ABL2: variants seen among roughly 807,000 people sequenced by gnomAD.
ABL2 encodes ABL proto-oncogene 2, non-receptor tyrosine kinase, also known as tyrosine-protein kinase ABL2.
In ABL2, 49 loss-of-function variants were observed where a neutral mutation model predicts 107.7. That is an observed-to-expected ratio of 0.45 (90% confidence interval 0.36 to 0.58). ABL2 has a LOEUF of 0.58. Ranked by LOEUF, ABL2 falls within the 20% of genes least tolerant of loss-of-function variation. ABL2 has a pLI of 0.00. For synonymous variants in ABL2, 549 were observed against 548.6 expected (o/e 1.00, Z -0.01); for missense variants, 1,245 against 1,457.0 (o/e 0.85, Z 2.37).
At chr1:179,170,708 C>T (rs1557972042) in intron 1 of ABL2, among the ~76,000 whole-genome samples, 1 of 152,238 alleles carries the variant, frequency 6.6e-6, no homozygotes, top group Non-Finnish European at 1.5e-5. Flanking sequence ...AATTCTCCTG[C>T]TTCAGCCTCC....
At chr1:179,153,339 T>C (rs776817860) in intron 1 of ABL2, among the ~76,000 whole-genome samples, 3 of 152,050 alleles carry the variant, frequency 2.0e-5, no homozygotes, top group Non-Finnish European at 4.4e-5. Flanking sequence ...AACCATATAC[T>C]AGATGGCTTA....
intron 1 of ABL2, among the ~76,000 whole-genome samples, chr1:179,178,789 C>T (rs1217518511): frequency 2.6e-5 from 4 of 151,806 alleles, no homozygotes; most frequent in African/African-American, 9.7e-5. Flanking sequence ...CCCAGCTACT[C>T]GGGAGGCTGA....
At chr1:179,150,122 C>T (rs1394472915) in intron 1 of ABL2, among the ~76,000 whole-genome samples, 1 of 151,922 alleles carries the variant, frequency 6.6e-6, no homozygotes, top group Non-Finnish European at 1.5e-5. Context: ...CACCTGTAGT[C>T]CCAACTATTA....
chr1:179,147,579 C>A (rs772893200), intron 1 of ABL2, among the ~76,000 whole-genome samples: 1 of 152,202 alleles, frequency 6.6e-6, no homozygotes, highest in Non-Finnish European at 1.5e-5. Flanking sequence ...ATGGTTGGAA[C>A]TGGAGGTCGT....
Position 179,106,717 on chromosome 1 carries a change from T to C in ABL2, c.*1001A>G. 4.3e-6 allele frequency: 1 copy of C among 232,220 alleles called. No homozygotes were observed. The highest frequency in any genetic ancestry group is 8.5e-6 in the Non-Finnish European group (1 of 117,416). The allele number at this position is 232,220 out of a possible 1,614,324, so 14.4% of individuals were successfully genotyped here. On this transcript the variant is annotated 3_prime_UTR_variant, in exon 12 of 12. Coordinates refer to ENST00000502732, the MANE Select transcript of ABL2 (RefSeq NM_007314.4). ...TTTCAAGAAAAGACCATCTCCCTGGTATTTTAGTTGATAAAGAAAAATACA... is the reference window on the plus strand; with the variant it reads ...TTTCAAGAAAAGACCATCTCCCTGGCATTTTAGTTGATAAAGAAAAATACA...
intron 9 of ABL2, among the ~76,000 whole-genome samples, 160 bp downstream of exon 9, chr1:179,114,718 G>GTATATGATA (rs1285119488): frequency 6.6e-6 from 1 of 152,086 alleles, no homozygotes; most frequent in Non-Finnish European, 1.5e-5. Context: ...AGATTCAATG[G>GTATATGATA]TATATGATAT....
chr1:179,216,169 G>A (rs894089687), intron 1 of ABL2, among the ~76,000 whole-genome samples: 27 of 152,238 alleles, frequency 1.8e-4, no homozygotes, highest in Middle Eastern at 3.4e-3. Flanking sequence ...GTTCTACCAC[G>A]GCAGAATCAG....
chr1:179,226,043 C>CA (rs1194438803), intron 1 of ABL2, among the ~76,000 whole-genome samples: 1,306 of 45,650 alleles, frequency 0.029, 196 homozygotes, highest in African/African-American at 0.044. Context: ...GACTCCGCCT[C>CA]AAAAAAAAAA....
chr1:179,212,907 G>A (rs1475242812), intron 1 of ABL2, among the ~76,000 whole-genome samples: 41 of 149,132 alleles, frequency 2.7e-4, no homozygotes, highest in Non-Finnish European at 4.3e-4. Context: ...TTAGCCAGGC[G>A]TGGTGGCACA....
intron 4 of ABL2, among the ~76,000 whole-genome samples, chr1:179,122,899 A>C (rs1025291698): frequency 1.3e-5 from 2 of 152,092 alleles, no homozygotes; most frequent in Non-Finnish European, 2.9e-5. Context: ...ACCTCAAGTG[A>C]TCTGCCTGCC....
intron 1 of ABL2, among the ~76,000 whole-genome samples, chr1:179,181,941 C>T (rs968141381): frequency 3.6e-5 from 5 of 137,822 alleles, no homozygotes; most frequent in East Asian, 2.2e-4. Context: ...TCACCAGGCC[C>T]GGCTATTTTT....
rs28914481 is a variant in ABL2, at chr1:179,183,357, T to TAAC, written c.157+45881_157+45883dup. Among the ~76,000 whole-genome samples, 64 of 152,196 alleles carry TAAC rather than the reference T, an allele frequency of 4.2e-4. No individual in the cohort carries two copies. In the East Asian group the frequency reaches 5.0e-3, roughly 12 times the overall value. On this transcript the variant is annotated intron_variant, in intron 1 of 11. Coordinates refer to ENST00000502732, the MANE Select transcript of ABL2 (RefSeq NM_007314.4). ...ACTGTACTTGTACCACTTAAATTTA[T>TAAC]AACAACAACAACAACAACAAAAACA...
At chr1:179,225,942 G>A (rs1347797765) in intron 1 of ABL2, among the ~76,000 whole-genome samples, 2 of 150,902 alleles carry the variant, frequency 1.3e-5, no homozygotes, top group African/African-American at 4.9e-5. Context: ...TGCTCGGGAG[G>A]CTGAGGCAGG....
chr1:179,141,737 T>A (rs1657612234), intron 1 of ABL2, among the ~76,000 whole-genome samples: 1 of 152,222 alleles, frequency 6.6e-6, no homozygotes. Flanking sequence ...TCAAAGAACT[T>A]AGGGTCAATT....
At chr1:179,209,708 A>C (rs1433905358) in intron 1 of ABL2, among the ~76,000 whole-genome samples, 1 of 152,262 alleles carries the variant, frequency 6.6e-6, no homozygotes, top group Middle Eastern at 3.4e-3. Flanking sequence ...AGCTACCAAA[A>C]TCAAAAATTT....
Position 179,118,624 on chromosome 1 carries a change from C to G in ABL2, c.1186G>C (p.Ala396Pro). ...TTCTTCTTCTCTAAGTACTCCATTG[C>G]AGAAGAAATCTGAGTGGCCATGTAG... is the stretch of plus-strand genomic sequence containing the variant. ...LLYMATQISS[A>P]MEYLEKKNFI... Residue 396 changes from alanine to proline, a missense_variant, in exon 7 of 12, where the codon GCA becomes CCA. Coordinates refer to ENST00000502732, the MANE Select transcript of ABL2 (RefSeq NM_007314.4). 1 of 1,613,828 alleles carries G rather than the reference C, an allele frequency of 6.2e-7. No individual in the cohort carries two copies. Among genetic ancestry groups the G allele is most frequent in the Non-Finnish European group, 8.5e-7 (1 of 1,179,958 alleles).
rs571807257 is a variant in ABL2, at chr1:179,207,932, G to A, written c.157+21309C>T. Among the ~76,000 whole-genome samples the A allele has an allele frequency of 3.0e-4, 46 of 152,130 alleles. 1 individual carries two copies. Among genetic ancestry groups the A allele is most frequent in the Middle Eastern group, 6.8e-3 (2 of 294 alleles). ...TGAATTATTAGTGTAAGAAAACAAG[G>A]TCAGTAAAGTCATTCTAATTATCTC... On this transcript the variant is annotated intron_variant, in intron 1 of 11. Coordinates refer to ENST00000502732, the MANE Select transcript of ABL2 (RefSeq NM_007314.4).
chr1:179,138,141 C>A (rs1657215827), intron 1 of ABL2, among the ~76,000 whole-genome samples: 1 of 152,156 alleles, frequency 6.6e-6, no homozygotes, highest in South Asian at 2.1e-4. Flanking sequence ...CTGCCCCCTG[C>A]CTGGATATTA....
chr1:179,211,855 G>A (rs1469268597), intron 1 of ABL2, among the ~76,000 whole-genome samples: 2 of 152,044 alleles, frequency 1.3e-5, no homozygotes, highest in Admixed American at 1.3e-4. Context: ...ACTCAGATTA[G>A]TTCAAAGCAC....
Sources: gnomAD v4.1 joint callset for allele counts (sites outside exome capture counted in the v4.1 genomes callset) on GRCh38, gnomAD v4.1.1 for gene constraint, MANE v1.5 for transcripts, NCBI Gene and HGNC (gene_info 2026-07-23, HGNC 2026-07-21) for gene names.